SNX14: variants seen among roughly 807,000 people sequenced by gnomAD.
SNX14 encodes the protein sorting nexin 14.
Under a neutral mutation model 133.8 loss-of-function variants are expected in SNX14, and 93 were observed. That is an observed-to-expected ratio of 0.70 (90% CI 0.59 to 0.83). The LOEUF (loss-of-function observed/expected upper bound fraction) is 0.83. Among genes scored for constraint, SNX14 ranks in the 40% least tolerant of loss-of-function variants. The pLI is 0.00. For synonymous variants in SNX14, 368 were observed against 365.6 expected, an observed-to-expected ratio of 1.01 and a Z score of -0.07; for missense variants, 945 against 1,094.9, an observed-to-expected ratio of 0.86 and a Z score of 1.93.
In SNX14 at chr6:85,572,301, T is replaced by G. The variant is rs142940872; in HGVS notation, c.335A>C (p.His112Pro). 1.5e-5 allele frequency: 24 copies of G among 1,613,170 alleles called. No individual in the cohort carries two copies. The highest frequency in any genetic ancestry group is 1.7e-5 in the Non-Finnish European group (20 of 1,179,526). ...AVCGKVKCKR[H>P]RPSLLLENYQ... ...AATAAAAAAATATTTAACTTACCTATGTCGTTTACATTTCACTTTACCACA... is the reference window on the plus strand; with the variant it reads ...AATAAAAAAATATTTAACTTACCTAGGTCGTTTACATTTCACTTTACCACA... Residue 112 changes from histidine to proline, a missense_variant, in exon 3 of 29, where the codon CAT becomes CCT. By Grantham distance (77) the His-to-Pro change is moderately conservative. This residue lies in a region of SNX14 where 514 missense variants were observed against 538.8 expected (regional missense o/e 0.95). Coordinates refer to ENST00000314673, the MANE Select transcript of SNX14 (RefSeq NM_153816.6).
At chr6:85,514,309 C>T (rs1774019074) in intron 24 of SNX14, 75 bp from the exon 25 acceptor site, 4 of 1,525,404 alleles carry the variant, frequency 2.6e-6, no homozygotes, top group East Asian at 2.3e-5. Flanking sequence ...ATGTAGAAAA[C>T]ACAAATGACC....
At chr6:85,515,827 A>G (rs868565251) in intron 23 of SNX14, among the ~76,000 whole-genome samples, 2 of 152,060 alleles carry the variant, frequency 1.3e-5, no homozygotes, top group Non-Finnish European at 2.9e-5. Flanking sequence ...GGGAAAAACA[A>G]CTCAATTTTG....
intron 21 of SNX14, among the ~76,000 whole-genome samples, chr6:85,525,159 A>C (rs1778149561): frequency 6.6e-6 from 1 of 152,190 alleles, no homozygotes; most frequent in Non-Finnish European, 1.5e-5. Flanking sequence ...AATCTCTAAT[A>C]GTAAAAATAT....
intron 28 of SNX14, among the ~76,000 whole-genome samples, chr6:85,506,707 A>C (rs1770842900): frequency 6.6e-6 from 1 of 152,240 alleles, no homozygotes; most frequent in African/African-American, 2.4e-5. Context: ...AGCACTGAAC[A>C]ACAGTTGTTT....
At chr6:85,522,322 C>T (rs1777154235) in intron 21 of SNX14, among the ~76,000 whole-genome samples, 1 of 152,166 alleles carries the variant, frequency 6.6e-6, no homozygotes, top group Non-Finnish European at 1.5e-5. Flanking sequence ...ATAGGGCTCT[C>T]CAACCTTGTT....
chr6:85,593,100 A>T (rs548935804), intron 1 of SNX14, among the ~76,000 whole-genome samples: 1 of 152,278 alleles, frequency 6.6e-6, no homozygotes, highest in African/African-American at 2.4e-5. Context: ...CGTCTGTTTT[A>T]TTCAACAATA....
intron 7 of SNX14, among the ~76,000 whole-genome samples, chr6:85,556,293 GTGGCTCACA>G: frequency 6.6e-6 from 1 of 152,266 alleles, no homozygotes; most frequent in East Asian, 1.9e-4. Flanking sequence ...GCTAGGCACA[GTGGCTCACA>G]CCTGTAATCT....
intron 1 of SNX14, among the ~76,000 whole-genome samples, chr6:85,585,828 A>G (rs564782594): frequency 1.1e-4 from 17 of 152,282 alleles, no homozygotes; most frequent in African/African-American, 3.6e-4. Flanking sequence ...CAAGAAATAA[A>G]TAAATGGTAA....
intron 7 of SNX14, among the ~76,000 whole-genome samples, chr6:85,552,826 C>CA (rs1482727184): frequency 2.0e-5 from 3 of 152,154 alleles, no homozygotes; most frequent in African/African-American, 7.2e-5. Context: ...GAGTTACACC[C>CA]ACAGGCCAAG....
At chr6:85,560,964 G>A (rs1791345055) in intron 6 of SNX14, among the ~76,000 whole-genome samples, 1 of 151,202 alleles carries the variant, frequency 6.6e-6, no homozygotes, top group Non-Finnish European at 1.5e-5. Flanking sequence ...AACCTGGGAG[G>A]TGGAGATTGC....
intron 1 of SNX14, among the ~76,000 whole-genome samples, chr6:85,579,267 C>T (rs1798312412): frequency 6.6e-6 from 1 of 152,132 alleles, no homozygotes; most frequent in African/African-American, 2.4e-5. Context: ...AGAAAAATAC[C>T]TGTTCACTAC....
At chr6:85,551,580 AC>A (rs1165191194) in intron 7 of SNX14, among the ~76,000 whole-genome samples, 2 of 152,228 alleles carry the variant, frequency 1.3e-5, no homozygotes, top group African/African-American at 4.8e-5. Context: ...CTGGGAAGGA[AC>A]TTTTGCTATG....
chr6:85,530,998 T>C (rs1045073135), intron 18 of SNX14, among the ~76,000 whole-genome samples: 3 of 152,250 alleles, frequency 2.0e-5, no homozygotes, highest in African/African-American at 7.2e-5. Context: ...AATAGAACTT[T>C]CTGCAGTTAC....
chr6:85,553,972 TAAG>T (rs952086857), intron 7 of SNX14, among the ~76,000 whole-genome samples: 2 of 152,016 alleles, frequency 1.3e-5, no homozygotes, highest in Non-Finnish European at 2.9e-5. Flanking sequence ...TCCAAGGTGA[TAAG>T]AAATTAAAGG....
intron 26 of SNX14, among the ~76,000 whole-genome samples, chr6:85,509,702 T>C (rs547888231): frequency 7.2e-5 from 11 of 152,120 alleles, no homozygotes; most frequent in Admixed American, 3.3e-4. Flanking sequence ...ATAATTTACA[T>C]TGGAGTTCGT....
intron 20 of SNX14, among the ~76,000 whole-genome samples, chr6:85,527,951 A>G (rs1421991919): frequency 6.6e-6 from 1 of 152,150 alleles, no homozygotes. Flanking sequence ...GTATTCTTCA[A>G]ATGCATCTAA....
intron 7 of SNX14, among the ~76,000 whole-genome samples, chr6:85,557,271 T>G (rs1264238283): frequency 6.6e-6 from 1 of 152,202 alleles, no homozygotes; most frequent in Non-Finnish European, 1.5e-5. Flanking sequence ...GAAGTAGTTT[T>G]GTTAAAAAGA....
chr6:85,584,525 C>CTTTAT (rs1562008455), intron 1 of SNX14, among the ~76,000 whole-genome samples: 1 of 152,132 alleles, frequency 6.6e-6, no homozygotes, highest in East Asian at 1.9e-4. Context: ...TATCCAGAAT[C>CTTTAT]TACAAGGAAG....
At position 85,527,066 on chromosome 6, in the gene SNX14, T is replaced by C. The variant is rs536300016; in HGVS notation, c.1996-829A>G. Among the ~76,000 whole-genome samples, 496 of 151,906 alleles carry C rather than the reference T, an allele frequency of 3.3e-3. 3 individuals carry two copies. Among genetic ancestry groups the C allele is most frequent in the Non-Finnish European group, 4.1e-3 (276 of 67,950 alleles). ...CCTAGATGACAAGAGCAAAACTCTG[T>C]CTCAAAAAATAAAAAAAATTAAAAA... On this transcript the variant is annotated intron_variant, in intron 20 of 28. Transcript: ENST00000314673.
Sources: gnomAD v4.1 joint callset for allele counts (sites outside exome capture counted in the v4.1 genomes callset) on GRCh38, gnomAD v4.1.1 for gene constraint, gnomAD v4.1.1 regional missense constraint, MANE v1.5 for transcripts, NCBI Gene and HGNC (gene_info 2026-07-23, HGNC 2026-07-21) for gene names.